The following NIBAN1 variants were observed in gnomAD, a reference collection of about 807,000 sequenced individuals.
The protein encoded by NIBAN1 is protein Niban 1.
A neutral mutation model predicts 75.1 loss-of-function variants in NIBAN1; 81 were observed. The observed-to-expected ratio is 1.08, with a 90% confidence interval of 0.90 to 1.30. The LOEUF (loss-of-function observed/expected upper bound fraction) is 1.30, where lower values mean the gene tolerates loss of function less well. NIBAN1 is among the 50% of genes most tolerant of loss of function. The pLI is 0.00. For synonymous variants in NIBAN1, 436 were observed against 424.8 expected (o/e 1.03, Z -0.32); for missense variants, 1,133 against 1,128.1 (o/e 1.00, Z -0.06).
intron 5 of NIBAN1, among the ~76,000 whole-genome samples, chr1:184,880,202 C>A (rs1656341233): frequency 6.6e-6 from 1 of 152,212 alleles, no homozygotes; most frequent in Admixed American, 6.5e-5. Context: ...TCCCCCAAAT[C>A]CTTTAGTCTG....
At chr1:184,918,364 G>C (rs1373802497) in intron 1 of NIBAN1, among the ~76,000 whole-genome samples, 2 of 152,040 alleles carry the variant, frequency 1.3e-5, no homozygotes, top group Non-Finnish European at 2.9e-5. Flanking sequence ...TTCACATCAC[G>C]GCAAAGGTAA....
intron 5 of NIBAN1, among the ~76,000 whole-genome samples, chr1:184,884,260 G>A (rs1185732655): frequency 4.3e-5 from 5 of 116,598 alleles, no homozygotes; most frequent in Non-Finnish European, 8.1e-5. Flanking sequence ...GTCTTGCACT[G>A]TCATCTGGGC....
chr1:184,934,182 G>T (rs1197795952), intron 1 of NIBAN1, among the ~76,000 whole-genome samples: 1 of 152,210 alleles, frequency 6.6e-6, no homozygotes, highest in African/African-American at 2.4e-5. Context: ...CATAATTGCA[G>T]CTAGAAGCCA....
In NIBAN1 at chr1:184,795,876, C is replaced by T. The variant is rs1453956062; in HGVS notation, c.1888G>A (p.Val630Ile). The T allele has an allele frequency of 1.2e-6, 2 of 1,613,190 alleles. No homozygotes were observed. The highest frequency in any genetic ancestry group is 1.3e-5 in the African/African-American group (1 of 75,008). ...QESEEEKQPE[V>I]PSSLAKGESL... ...TCTCCTTTGGCCAACGAGCTAGGGA[C>T]CTCAGGCTGCTTCTCTTCCTCTGAC... Residue 630 changes from valine (V) to isoleucine (I), a missense_variant, in exon 14 of 14, where the codon GTC becomes ATC. By Grantham distance (29) the Val-to-Ile change is conservative (BLOSUM62 3). Coordinates refer to ENST00000367511, the MANE Select transcript of NIBAN1 (RefSeq NM_052966.4).
chr1:184,859,710 G>T (rs967000637), intron 5 of NIBAN1, among the ~76,000 whole-genome samples: 4 of 152,022 alleles, frequency 2.6e-5, no homozygotes, highest in African/African-American at 9.7e-5. Context: ...CATCATTATG[G>T]TATATAAGCA....
intron 5 of NIBAN1, among the ~76,000 whole-genome samples, chr1:184,864,908 A>G (rs1655911553): frequency 6.6e-6 from 1 of 151,778 alleles, no homozygotes; most frequent in Non-Finnish European, 1.5e-5. Flanking sequence ...AGCATTTATA[A>G]GAACTAACTA....
chr1:184,807,320 GAA>G lies in NIBAN1; in HGVS notation c.1335+752_1335+753del, dbSNP rs34125405. On this transcript the variant is annotated intron_variant, in intron 10 of 13. Coordinates refer to ENST00000367511, the MANE Select transcript of NIBAN1 (RefSeq NM_052966.4). ...TGTTACTGGGGAAAAGGTTCCTTAT[GAA>G]AAAAAAAAAAAAGAAACCTGTCAAG... is the stretch of plus-strand genomic sequence containing the variant. 3.4e-3 allele frequency among the ~76,000 whole-genome samples: 457 copies of G among 134,316 alleles called. 7 individuals are homozygous for G. Among genetic ancestry groups the G allele is most frequent in the African/African-American group, 0.01 (396 of 38,144 alleles). 88.1% of individuals were successfully genotyped at this position (134,316 alleles called of 152,430 possible). A position where few individuals can be genotyped will look rare whatever the true frequency, so the allele number is the denominator to read the frequency against.
chr1:184,880,855 G>C (rs1017384700), intron 5 of NIBAN1, among the ~76,000 whole-genome samples: 6 of 152,176 alleles, frequency 3.9e-5, no homozygotes. Flanking sequence ...TGTGGCAGCA[G>C]ACATTCAGAA....
At chr1:184,924,201 T>C (rs1024263834) in intron 1 of NIBAN1, among the ~76,000 whole-genome samples, 2 of 152,164 alleles carry the variant, frequency 1.3e-5, no homozygotes, top group Non-Finnish European at 2.9e-5. Context: ...ATGGCTTTTA[T>C]GGTGTTGAGG....
chr1:184,906,401 C>T (rs1307393603), intron 1 of NIBAN1, among the ~76,000 whole-genome samples: 5 of 151,998 alleles, frequency 3.3e-5, no homozygotes, highest in South Asian at 2.1e-4. Flanking sequence ...GAGGCCGAGG[C>T]GGGTGGATCA....
chr1:184,864,088 G>A (rs751329767), intron 5 of NIBAN1, among the ~76,000 whole-genome samples: 12 of 152,114 alleles, frequency 7.9e-5, no homozygotes, highest in African/African-American at 2.7e-4. Context: ...CAACAATTAC[G>A]AGCTTGAGCT....
At chr1:184,956,185 C>T (rs1658487402) in intron 1 of NIBAN1, among the ~76,000 whole-genome samples, 1 of 152,116 alleles carries the variant, frequency 6.6e-6, no homozygotes, top group Non-Finnish European at 1.5e-5. Flanking sequence ...TGCGCCACTA[C>T]ATTTGGCTCA....
rs778897501 is a variant in NIBAN1 at position 184,818,656 on chromosome 1, G to A, written c.1155C>T (p.Asp385=). The A allele has an allele frequency of 1.2e-6, 2 of 1,608,744 alleles. No homozygotes were observed. Among genetic ancestry groups the A allele is most frequent in the Admixed American group, 1.7e-5 (1 of 59,802 alleles). The change falls in exon 9 of 14, where the codon GAC becomes GAT. Residue 385 remains aspartate, a synonymous_variant. Coordinates refer to ENST00000367511, the MANE Select transcript of NIBAN1 (RefSeq NM_052966.4). ...ATCCTACCTCCTTTAGCTGGACACTGTCTTTGGTGGTCTGGAAGTTCTGGC... is the reference window on the plus strand; with the variant it reads ...ATCCTACCTCCTTTAGCTGGACACTATCTTTGGTGGTCTGGAAGTTCTGGC... ...EVSQNFQTTK[D]SVQLKEHLDR... is the part of the protein sequence containing the mutation.
Position 184,823,687 on chromosome 1 carries a change from A to G in NIBAN1, c.773T>C (p.Leu258Pro). 6.2e-7 allele frequency: 1 copy of G among 1,614,196 alleles called. No individual in the cohort carries two copies. The highest frequency in any genetic ancestry group is 8.5e-7 in the Non-Finnish European group (1 of 1,180,008). Residue 258 changes from leucine (L) to proline (P), a missense_variant, in exon 7 of 14, where the codon CTG becomes CCG. Coordinates refer to ENST00000367511, the MANE Select transcript of NIBAN1 (RefSeq NM_052966.4). ...ELLPTLQTDL[L>P]PKMKGKKNDR... ...ATTCTTCTTCCCCTTCATCTTAGGC[A>G]GCAGGTCTGTCTGAAGAGTGGGCAG...
chr1:184,833,226 T>C lies in NIBAN1; in HGVS notation c.602-1264A>G, dbSNP rs114439143. On this transcript the variant is annotated intron_variant, in intron 5 of 13. Coordinates refer to ENST00000367511, the MANE Select transcript of NIBAN1 (RefSeq NM_052966.4). ...AAGCAGAACTAAAAAAGGATCAATC[T>C]GCTCTCAAAGGTAACAATCAATTAA... Among the ~76,000 whole-genome samples, 1,269 of 150,816 alleles carry C rather than the reference T, an allele frequency of 8.4e-3. 8 individuals are homozygous for C. Among genetic ancestry groups the C allele is most frequent in the Middle Eastern group, 0.027 (8 of 294 alleles).
At chr1:184,928,219 C>T (rs1234874582) in intron 1 of NIBAN1, among the ~76,000 whole-genome samples, 2 of 152,094 alleles carry the variant, frequency 1.3e-5, no homozygotes, top group Non-Finnish European at 2.9e-5. Flanking sequence ...AGCTGGTATC[C>T]AAGGTGTGAG....
At chr1:184,833,391 T>G (rs1327643842) in intron 5 of NIBAN1, among the ~76,000 whole-genome samples, 3 of 151,616 alleles carry the variant, frequency 2.0e-5, no homozygotes, top group Admixed American at 1.3e-4. Flanking sequence ...CGAAGTCCAT[T>G]CGAAGCTGCA....
At chr1:184,854,562 T>G (rs1046122779) in intron 5 of NIBAN1, among the ~76,000 whole-genome samples, 7 of 152,364 alleles carry the variant, frequency 4.6e-5, no homozygotes, top group African/African-American at 1.4e-4. Context: ...TGAGGAATCC[T>G]TGTGGCTTTA....
chr1:184,917,691 C>T (rs1657429790), intron 1 of NIBAN1, among the ~76,000 whole-genome samples: 1 of 151,928 alleles, frequency 6.6e-6, no homozygotes, highest in African/African-American at 2.4e-5. Flanking sequence ...TCCTGTCCAC[C>T]TCAAAAGGAA....
Sources: allele counts gnomAD v4.1 joint callset (sites outside exome capture counted in the v4.1 genomes callset), GRCh38; gene constraint gnomAD v4.1.1; transcripts MANE v1.5; gene names NCBI Gene and HGNC (gene_info 2026-07-23, HGNC 2026-07-21).